ANKFN1: variants seen among roughly 807,000 people sequenced by gnomAD.
ANKFN1 encodes the protein ankyrin repeat and fibronectin type III domain containing 1.
A neutral mutation model predicts 108.7 loss-of-function variants in ANKFN1; 74 were observed. The ratio of observed to expected loss-of-function variants is 0.68; its 90% CI spans 0.56 to 0.83. The LOEUF is 0.83. Among genes scored for constraint, ANKFN1 ranks in the 40% least tolerant of loss-of-function variants. The pLI is 0.00. For synonymous variants in ANKFN1, 547 were observed against 516.2 expected (o/e 1.06, Z -0.81); for missense variants, 1,505 against 1,382.3 (o/e 1.09, Z -1.41).
upstream of ANKFN1, among the ~76,000 whole-genome samples, chr17:56,148,945 C>T (rs1008386122): frequency 2.0e-5 from 3 of 152,210 alleles, no homozygotes; most frequent in African/African-American, 2.4e-5. Context: ...ATGAAAGGTA[C>T]GTATTATTTA....
intron 8 of ANKFN1, among the ~76,000 whole-genome samples, chr17:56,434,603 A>G (rs2048872106): frequency 6.6e-6 from 1 of 152,224 alleles, no homozygotes; most frequent in Admixed American, 6.5e-5. Flanking sequence ...AAAAAATGCA[A>G]GCAGCTCCGA....
chr17:56,265,518 A>G (rs969276664), intron 3 of ANKFN1, among the ~76,000 whole-genome samples: 4 of 152,146 alleles, frequency 2.6e-5, no homozygotes, highest in Admixed American at 6.5e-5. Context: ...AAACCATATC[A>G]TGTGCAATGT....
intron 8 of ANKFN1, among the ~76,000 whole-genome samples, chr17:56,439,578 C>T (rs1406864352): frequency 6.6e-6 from 1 of 151,826 alleles, no homozygotes; most frequent in Non-Finnish European, 1.5e-5. Context: ...ACACCTTAGC[C>T]ACAAACCCCT....
chr17:56,441,894 A>G (rs78690798), intron 9 of ANKFN1, among the ~76,000 whole-genome samples: 244 of 152,274 alleles, frequency 1.6e-3, no homozygotes, highest in Non-Finnish European at 2.7e-3. Flanking sequence ...AAGTCTCTAC[A>G]AAGATGTGCT....
chr17:56,148,669 G>T (rs1322161708), upstream of ANKFN1, among the ~76,000 whole-genome samples: 1 of 152,184 alleles, frequency 6.6e-6, no homozygotes, highest in Admixed American at 6.5e-5. Flanking sequence ...CTTGGTAGCA[G>T]TAGACTTTTA....
chr17:56,103,059 G>A (rs936302907), intron 4 of ANKFN1, among the ~76,000 whole-genome samples: 1 of 152,174 alleles, frequency 6.6e-6, no homozygotes, highest in Non-Finnish European at 1.5e-5. Context: ...ACATTTAATA[G>A]GGCTGCTACC....
intron 3 of ANKFN1, among the ~76,000 whole-genome samples, chr17:56,300,989 G>A (rs1330321132): frequency 6.6e-6 from 1 of 152,186 alleles, no homozygotes; most frequent in African/African-American, 2.4e-5. Flanking sequence ...TGTTTTGTAG[G>A]ATAGCTTTCC....
chr17:56,114,573 G>T (rs1261292287), intron 4 of ANKFN1, among the ~76,000 whole-genome samples: 1 of 152,164 alleles, frequency 6.6e-6, no homozygotes, highest in Non-Finnish European at 1.5e-5. Flanking sequence ...TGTGAGGGGT[G>T]AGAAATTAAT....
Position 56,443,508 on chromosome 17 carries a change from T to C in ANKFN1, c.1099+575T>C, listed in dbSNP as rs553146206. ...GCGGCCCAGAGTACATACAGTCCAT[T>C]GTAGCTCTCCTCTTCCCTTCCTCAC... On this transcript the variant is annotated intron_variant, in intron 10 of 20. Coordinates refer to ENST00000682825, the MANE Select transcript of ANKFN1 (RefSeq NM_001370326.1). Among the ~76,000 whole-genome samples, 5 of 152,264 alleles carry C rather than the reference T, an allele frequency of 3.3e-5. No homozygotes were observed. The South Asian group carries it at 1.0e-3, about 32-fold the overall frequency.
At chr17:56,227,484 G>A (rs1157576735) in intron 2 of ANKFN1, among the ~76,000 whole-genome samples, 2 of 152,142 alleles carry the variant, frequency 1.3e-5, no homozygotes, top group Non-Finnish European at 2.9e-5. Flanking sequence ...TTTAGGAGAA[G>A]TTTCATTTAA....
At chr17:56,424,665 C>T (rs2048503033) in intron 8 of ANKFN1, among the ~76,000 whole-genome samples, 1 of 152,166 alleles carries the variant, frequency 6.6e-6, no homozygotes, top group African/African-American at 2.4e-5. Flanking sequence ...TCTGGCTGGG[C>T]TTGGGTCTGC....
intron 1 of ANKFN1, among the ~76,000 whole-genome samples, chr17:56,188,581 G>GTGTATATATATATATATA (rs1212242378): frequency 7.7e-4 from 38 of 49,648 alleles, no homozygotes; most frequent in Admixed American, 1.1e-3. Context: ...GTGTGTGTGT[G>GTGTATATATATATATATA]TATATATATA....
intron 8 of ANKFN1, among the ~76,000 whole-genome samples, chr17:56,417,654 C>T (rs973995819): frequency 1.3e-5 from 2 of 152,198 alleles, no homozygotes; most frequent in Non-Finnish European, 2.9e-5. Flanking sequence ...TGCTCAGTCA[C>T]CCAGTGTGCA....
intron 7 of ANKFN1, 42 bp from the exon 8 acceptor site, chr17:56,374,559 A>T (rs1416754517): frequency 1.4e-6 from 2 of 1,440,416 alleles, no homozygotes; most frequent in Non-Finnish European, 1.9e-6. Flanking sequence ...TTTGAAAAGG[A>T]TTTGCTATGT....
At chr17:56,474,331 G>T (rs987002610) in intron 15 of ANKFN1, among the ~76,000 whole-genome samples, 19 of 152,106 alleles carry the variant, frequency 1.2e-4, no homozygotes, top group African/African-American at 4.4e-4. Flanking sequence ...CAGTGAAACA[G>T]ATTATACTGG....
chr17:56,468,248 A>G (rs1406142231), intron 15 of ANKFN1, among the ~76,000 whole-genome samples: 1 of 152,164 alleles, frequency 6.6e-6, no homozygotes, highest in Non-Finnish European at 1.5e-5. Context: ...TAAAAGACTT[A>G]CTTGAATACT....
At chr17:56,188,581 G>GTATATATATATATATATATATA (rs61556880) in intron 1 of ANKFN1, among the ~76,000 whole-genome samples, 22 of 49,648 alleles carry the variant, frequency 4.4e-4, no homozygotes, top group African/African-American at 6.1e-4. Context: ...GTGTGTGTGT[G>GTATATATATATATATATATATA]TATATATATA....
chr17:56,314,252 C>T (rs374415800), intron 3 of ANKFN1, among the ~76,000 whole-genome samples: 24 of 152,230 alleles, frequency 1.6e-4, no homozygotes, highest in East Asian at 1.3e-3. Context: ...TAATTCTTTC[C>T]GTGAGCATTT....
intron 3 of ANKFN1, among the ~76,000 whole-genome samples, chr17:56,283,642 A>T (rs1008173380): frequency 6.6e-6 from 1 of 152,030 alleles, no homozygotes; most frequent in African/African-American, 2.4e-5. Context: ...TCAGGAATGG[A>T]AAACCAAACA....
Sources: allele counts gnomAD v4.1 joint callset (sites outside exome capture counted in the v4.1 genomes callset), GRCh38; gene constraint gnomAD v4.1.1; transcripts MANE v1.5; gene names NCBI Gene and HGNC (gene_info 2026-07-23, HGNC 2026-07-21).